The following WDPCP variants were observed in gnomAD, a reference collection of about 807,000 sequenced individuals.
WDPCP encodes WD repeat-containing and planar cell polarity effector protein fritz homolog.
Under a neutral mutation model 93.1 loss-of-function variants are expected in WDPCP, and 71 were observed. The observed-to-expected ratio is 0.76, with a 90% CI of 0.63 to 0.93. The LOEUF is 0.93. WDPCP is among the 40% of genes least tolerant of loss of function. The probability of loss-of-function intolerance (pLI) is 0.00; values close to 1 mark genes in which losing one functional copy is unlikely to be tolerated. For synonymous variants in WDPCP, 315 were observed against 315.0 expected (o/e 1.00, Z 0.00); for missense variants, 844 against 887.4 (o/e 0.95, Z 0.62).
At position 63,121,232 on chromosome 2, in the gene WDPCP, C is replaced by T. The variant is rs575429092; in HGVS notation, c.*774G>A. On this transcript the variant is annotated 3_prime_UTR_variant, in exon 18 of 18. Transcript: ENST00000272321. ...TCTAAGGGGCAGTCAGGGCAAATTA[C>T]TCATAGCAGTAATTCGAGAGAACCA... is the stretch of plus-strand genomic sequence containing the variant. Among the ~76,000 whole-genome samples, 5 of 152,188 alleles carry T rather than the reference C, an allele frequency of 3.3e-5. No individual in the cohort carries two copies. The South Asian group carries it at 8.3e-4, about 25-fold the overall frequency.
intron 12 of WDPCP, among the ~76,000 whole-genome samples, chr2:63,368,322 ATTT>A (rs1353512759): frequency 2.9e-5 from 1 of 34,216 alleles, no homozygotes. Context: ...TTATTTATTT[ATTT>A]ATTTATTTAT....
intron 13 of WDPCP, among the ~76,000 whole-genome samples, chr2:63,299,203 G>A (rs188987543): frequency 6.6e-6 from 1 of 152,208 alleles, no homozygotes; most frequent in Non-Finnish European, 1.5e-5. Context: ...AGACAGCCCA[G>A]CTGTCAGTGC....
intron 14 of WDPCP, among the ~76,000 whole-genome samples, chr2:63,235,434 T>A (rs1679304716): frequency 6.6e-6 from 1 of 152,158 alleles, no homozygotes; most frequent in Non-Finnish European, 1.5e-5. Context: ...GAAGAACTTG[T>A]ACCAATCCTA....
intron 12 of WDPCP, among the ~76,000 whole-genome samples, chr2:63,340,946 G>C (rs538775530): frequency 6.6e-6 from 1 of 152,106 alleles, no homozygotes; most frequent in Non-Finnish European, 1.5e-5. Flanking sequence ...TACCCCGTAA[G>C]TTTCACTGTT....
In WDPCP at chr2:63,174,733, G is replaced by C. The variant is rs1198594705; in HGVS notation, c.2015C>G (p.Pro672Arg). 1 of 1,614,016 alleles carries C rather than the reference G, an allele frequency of 6.2e-7. No homozygotes were observed. The change falls in exon 15 of 18, where the codon CCT becomes CGT. Residue 672 changes from proline (P) to arginine (R), a missense_variant. Coordinates refer to ENST00000272321, the MANE Select transcript of WDPCP (RefSeq NM_015910.7). ...ATGTCTGTGGGTTGGGCAAGAGGGA[G>C]GGAGGTTATCTGGAAATGAGTCTTC... ...QGEDSFPDNL[P>R]PSCPTHRHIL...
intron 2 of WDPCP, among the ~76,000 whole-genome samples, chr2:63,699,990 T>C (rs1439487766): frequency 6.6e-6 from 1 of 151,770 alleles, no homozygotes; most frequent in African/African-American, 2.4e-5. Context: ...AAGGCCAAGG[T>C]AGAATATGCT....
At chr2:63,692,876 T>C (rs892221260) in intron 2 of WDPCP, among the ~76,000 whole-genome samples, 1 of 152,238 alleles carries the variant, frequency 6.6e-6, no homozygotes, top group Non-Finnish European at 1.5e-5. Context: ...TAGATTTTAA[T>C]TGAAATGCAT....
chr2:63,636,123 A>C (rs1320900941), intron 3 of WDPCP, among the ~76,000 whole-genome samples: 1 of 152,236 alleles, frequency 6.6e-6, no homozygotes, highest in Non-Finnish European at 1.5e-5. Flanking sequence ...GCATCAAAAA[A>C]ATTAATGTAT....
rs1575748378 is a variant in WDPCP at position 63,690,298 on chromosome 2, A to G, written n.309-39460T>C. ...TGGAAAGGCTAATTATCATTATCAT[A>G]CTTTTATAAATGAGGAAACTGAGAC... On this transcript the variant is annotated intron_variant and non_coding_transcript_variant, in intron 2 of 4. Transcript: ENST00000467687. 2.0e-5 allele frequency among the ~76,000 whole-genome samples: 3 copies of G among 152,200 alleles called. 1 individual carries two copies. The highest frequency in any genetic ancestry group is 4.1e-4 in the South Asian group (2 of 4,830).
intron 12 of WDPCP, among the ~76,000 whole-genome samples, chr2:63,344,722 A>T (rs1689075550): frequency 6.6e-6 from 1 of 152,200 alleles, no homozygotes; most frequent in African/African-American, 2.4e-5. Context: ...ACTGCCAGAA[A>T]TGCTATTCCA....
At chr2:63,155,080 A>G (rs1299905013) in intron 15 of WDPCP, among the ~76,000 whole-genome samples, 1 of 152,152 alleles carries the variant, frequency 6.6e-6, no homozygotes, top group African/African-American at 2.4e-5. Context: ...ATTTGCTCCC[A>G]TCATGTAGCT....
At chr2:63,681,340 T>C (rs61013066) in intron 2 of WDPCP, among the ~76,000 whole-genome samples, 13,916 of 151,950 alleles carry the variant, frequency 0.092, 943 homozygotes, top group African/African-American at 0.2. Flanking sequence ...ACAGGCCTGG[T>C]AGCATTCACC....
chr2:63,185,953 T>C (rs982358955), intron 14 of WDPCP, among the ~76,000 whole-genome samples: 43 of 151,840 alleles, frequency 2.8e-4, no homozygotes, highest in African/African-American at 8.5e-4. Context: ...GCAACCACTA[T>C]CTCTGAGGAG....
At chr2:63,266,766 A>G (rs563305048) in intron 13 of WDPCP, among the ~76,000 whole-genome samples, 1 of 152,294 alleles carries the variant, frequency 6.6e-6, no homozygotes, top group East Asian at 1.9e-4. Context: ...AGATCACTCC[A>G]CTGCACTCTA....
intron 2 of WDPCP, among the ~76,000 whole-genome samples, chr2:63,731,761 G>A (rs936735916): frequency 6.6e-6 from 1 of 152,196 alleles, no homozygotes; most frequent in African/African-American, 2.4e-5. Context: ...TCTGATTTTA[G>A]TCTTCAAAAG....
intron 3 of WDPCP, chr2:63,622,961 C>A: frequency 2.7e-6 from 2 of 753,536 alleles, no homozygotes; most frequent in Non-Finnish European, 2.1e-6. Flanking sequence ...GTCACCACCG[C>A]ACGGCGCCCA....
chr2:63,765,520 G>C (rs749289168), intron 2 of WDPCP, among the ~76,000 whole-genome samples: 14 of 152,162 alleles, frequency 9.2e-5, no homozygotes, highest in Non-Finnish European at 2.1e-4. Context: ...ATTGAACTGG[G>C]GCCTTGAGGG....
chr2:63,390,469 C>A lies in WDPCP; in HGVS notation c.1436-8375G>T, dbSNP rs567081185. On this transcript the variant is annotated intron_variant, in intron 10 of 17. Coordinates refer to ENST00000272321, the MANE Select transcript of WDPCP (RefSeq NM_015910.7). ...AGCAGCAAAGATCTAAAATTGACAC[C>A]CTAACATCACAATTAAAAGAATAGA... Among the ~76,000 whole-genome samples the A allele has an allele frequency of 2.6e-5, 4 of 151,832 alleles. No homozygotes were observed. The East Asian group carries it at 7.7e-4, about 29-fold the overall frequency.
chr2:63,322,575 T>C (rs1334202532), intron 12 of WDPCP, among the ~76,000 whole-genome samples: 1 of 151,968 alleles, frequency 6.6e-6, no homozygotes, highest in Non-Finnish European at 1.5e-5. Context: ...TGCGAAGGTC[T>C]GCGGCTTCAC....
Sources: gnomAD v4.1 joint callset for allele counts (sites outside exome capture counted in the v4.1 genomes callset) on GRCh38, gnomAD v4.1.1 for gene constraint, MANE v1.5 for transcripts, NCBI Gene and HGNC (gene_info 2026-07-23, HGNC 2026-07-21) for gene names.